Variants in PTPN4 observed in about 807,000 individuals in gnomAD.
The protein encoded by PTPN4 is protein tyrosine phosphatase non-receptor type 4.
PTPN4 carries 49 observed loss-of-function variants against 135.5 expected under a neutral mutation model. The observed-to-expected ratio is 0.36, with a 90% CI of 0.29 to 0.46. PTPN4 has a LOEUF of 0.46. Among genes scored for constraint, PTPN4 ranks in the 20% least tolerant of loss-of-function variants. PTPN4 has a pLI of 1.00. For synonymous variants in PTPN4, 333 were observed against 369.9 expected, an observed-to-expected ratio of 0.90 and a Z score of 1.14; for missense variants, 860 against 1,101.0, an observed-to-expected ratio of 0.78 and a Z score of 3.10.
At chr2:119,841,733 A>G (rs961216478) in intron 2 of PTPN4, among the ~76,000 whole-genome samples, 3 of 152,160 alleles carry the variant, frequency 2.0e-5, no homozygotes, top group Admixed American at 6.5e-5. Flanking sequence ...TCCCATGCTC[A>G]TTACTCAGCA....
chr2:119,953,077 C>T (rs1424781810), intron 19 of PTPN4, among the ~76,000 whole-genome samples: 1 of 152,158 alleles, frequency 6.6e-6, no homozygotes, highest in Admixed American at 6.5e-5. Flanking sequence ...GAGTCTTCAG[C>T]CAGTGTTCAT....
At chr2:119,835,941 T>C (rs1260493371) in intron 2 of PTPN4, among the ~76,000 whole-genome samples, 1 of 151,736 alleles carries the variant, frequency 6.6e-6, no homozygotes, top group Non-Finnish European at 1.5e-5. Context: ...TGGTGGCGGG[T>C]ACCTGTAATC....
intron 10 of PTPN4, among the ~76,000 whole-genome samples, chr2:119,904,202 G>A (rs1401096122): frequency 6.6e-6 from 1 of 151,670 alleles, no homozygotes; most frequent in East Asian, 1.9e-4. Context: ...ATCTGAATGA[G>A]AAATTCAACT....
At chr2:119,775,802 G>GATATCT (rs56763862) in intron 1 of PTPN4, among the ~76,000 whole-genome samples, 14,377 of 149,904 alleles carry the variant, frequency 0.096, 770 homozygotes, top group Middle Eastern at 0.16. Context: ...AGAGATTGTG[G>GATATCT]ATATCTATAT....
intron 18 of PTPN4, among the ~76,000 whole-genome samples, chr2:119,950,068 A>G (rs74560362): frequency 0.017 from 2,582 of 152,290 alleles, 28 homozygotes; most frequent in Non-Finnish European, 0.026. Flanking sequence ...GTGATAATGG[A>G]TACAGTAAGA....
At chr2:119,834,165 G>T (rs1558739555) in intron 2 of PTPN4, among the ~76,000 whole-genome samples, 1 of 152,134 alleles carries the variant, frequency 6.6e-6, no homozygotes, top group Non-Finnish European at 1.5e-5. Flanking sequence ...TCATTTCTAT[G>T]TGCTGGGAAC....
intron 9 of PTPN4, among the ~76,000 whole-genome samples, chr2:119,895,340 A>G (rs1173172427): frequency 6.6e-6 from 1 of 152,196 alleles, no homozygotes; most frequent in African/African-American, 2.4e-5. Context: ...ACATTTAAGT[A>G]CCCTAGGTAA....
chr2:119,877,429 G>A (rs745786868), intron 4 of PTPN4, 35 bp from the exon 5 acceptor site: 1 of 1,605,882 alleles, frequency 6.2e-7, no homozygotes, highest in Admixed American at 1.7e-5. Context: ...GATTAATATA[G>A]TCTGATTAAT....
chr2:119,873,149 A>C (rs1049811691), intron 3 of PTPN4, among the ~76,000 whole-genome samples: 2 of 149,540 alleles, frequency 1.3e-5, no homozygotes, highest in Admixed American at 6.7e-5. Flanking sequence ...GCACTACCAC[A>C]TCTGGCTAAT....
chr2:119,762,229 C>G (rs1690520505), intron 1 of PTPN4, among the ~76,000 whole-genome samples: 1 of 151,904 alleles, frequency 6.6e-6, no homozygotes, highest in Admixed American at 6.6e-5. Flanking sequence ...AAGTATAGAT[C>G]TCTCATACTC....
At chr2:119,854,173 C>G (rs529686504) in intron 2 of PTPN4, among the ~76,000 whole-genome samples, 19 of 152,202 alleles carry the variant, frequency 1.2e-4, no homozygotes, top group African/African-American at 4.6e-4. Context: ...ATGCAGGTCT[C>G]CATGATGTCC....
rs925630848 is a variant in PTPN4, at chr2:119,917,858, T to C, written c.829-2211T>C. On this transcript the variant is annotated intron_variant, in intron 11 of 26. Coordinates refer to ENST00000263708, the MANE Select transcript of PTPN4 (RefSeq NM_002830.4). ...ACCCAAACTTCATACGATATACTTA[T>C]CTCTCAGTACAAATTTTTTTGTGTG... is the stretch of plus-strand genomic sequence containing the variant. 1.6e-4 allele frequency among the ~76,000 whole-genome samples: 24 copies of C among 152,222 alleles called. 1 individual carries two copies. The highest frequency in any genetic ancestry group is 5.8e-4 in the African/African-American group (24 of 41,464).
intron 2 of PTPN4, among the ~76,000 whole-genome samples, chr2:119,847,736 C>T (rs1210348538): frequency 6.6e-6 from 1 of 152,052 alleles, no homozygotes; most frequent in East Asian, 1.9e-4. Context: ...GAAGAACTTC[C>T]TTTGGTATTT....
intron 1 of PTPN4, among the ~76,000 whole-genome samples, 166 bp downstream of exon 1, chr2:119,760,550 C>CA (rs767413568): frequency 1.3e-5 from 2 of 151,668 alleles, no homozygotes; most frequent in Non-Finnish European, 2.9e-5. Context: ...AACAAACAAA[C>CA]AAAAAAACGC....
At chr2:119,932,774 C>T (rs72971055) in intron 14 of PTPN4, among the ~76,000 whole-genome samples, 3,851 of 152,228 alleles carry the variant, frequency 0.025, 164 homozygotes, top group African/African-American at 0.087. Flanking sequence ...AATAAGGACC[C>T]TCCACTCTCA....
chr2:119,841,558 A>G (rs1286823147), intron 2 of PTPN4, among the ~76,000 whole-genome samples: 1 of 152,202 alleles, frequency 6.6e-6, no homozygotes, highest in African/African-American at 2.4e-5. Flanking sequence ...ATTTATGCAT[A>G]TATATCTATT....
At chr2:119,798,151 C>A (rs1691297183) in intron 1 of PTPN4, among the ~76,000 whole-genome samples, 1 of 151,270 alleles carries the variant, frequency 6.6e-6, no homozygotes, top group Admixed American at 6.6e-5. Flanking sequence ...ACATATATAC[C>A]AATTTTACTG....
At chr2:119,806,660 C>G (rs1342633583) in intron 1 of PTPN4, among the ~76,000 whole-genome samples, 2 of 152,160 alleles carry the variant, frequency 1.3e-5, no homozygotes, top group Non-Finnish European at 2.9e-5. Context: ...CAACATTAGA[C>G]AGATCAGCGA....
At chr2:119,976,960 T>C in intron 26 of PTPN4, 24 bp from the exon 27 acceptor site, 2 of 1,596,928 alleles carry the variant, frequency 1.3e-6, no homozygotes, top group African/African-American at 1.4e-5. Flanking sequence ...TGATCAGTTC[T>C]GTTTTTTATA....
Sources: gnomAD v4.1 joint callset for allele counts (sites outside exome capture counted in the v4.1 genomes callset) on GRCh38, gnomAD v4.1.1 for gene constraint, MANE v1.5 for transcripts, NCBI Gene and HGNC (gene_info 2026-07-23, HGNC 2026-07-21) for gene names.